PCDHA1: variants seen among roughly 807,000 people sequenced by gnomAD.
The protein encoded by PCDHA1 is protocadherin alpha 1, also known as protocadherin alpha-1.
Under a neutral mutation model 61.3 loss-of-function variants are expected in PCDHA1, and 42 were observed. That is an observed-to-expected ratio of 0.69 (90% CI 0.54 to 0.89). The LOEUF (loss-of-function observed/expected upper bound fraction) is 0.89. Among genes scored for constraint, PCDHA1 ranks in the 40% least tolerant of loss-of-function variants. The pLI, the probability that PCDHA1 is intolerant of heterozygous loss-of-function variation, is 0.00. For missense variants in PCDHA1, 1,256 were observed against 1,235.3 expected, an observed-to-expected ratio of 1.02 and a Z score of -0.25; for synonymous variants, 610 against 553.8, an observed-to-expected ratio of 1.10 and a Z score of -1.43.
In PCDHA1 at chr5:140,840,930, C is replaced by T. The variant is rs2150310156; in HGVS notation, c.2394+52246C>T. Among the ~76,000 whole-genome samples the T allele has an allele frequency of 2.0e-5, 3 of 151,804 alleles. No homozygotes were observed. The South Asian group carries it at 6.2e-4, about 32-fold the overall frequency. On this transcript the variant is annotated intron_variant, in intron 1 of 3. Transcript: ENST00000504120. ...TACTTAAATTTATTATTAATTGATACGATATTTGAAATATTGGGAAGAAAT... is the reference window on the plus strand; with the variant it reads ...TACTTAAATTTATTATTAATTGATATGATATTTGAAATATTGGGAAGAAAT...
At chr5:140,830,820 G>C (rs1771259303) in intron 1 of PCDHA1, 2 of 156,158 alleles carry the variant, frequency 1.3e-5, no homozygotes, top group African/African-American at 4.8e-5. Flanking sequence ...GTTTGCCTTT[G>C]AGCTTTAGGA....
At chr5:140,884,538 G>A (rs781889228) in intron 1 of PCDHA1, 21 of 1,613,994 alleles carry the variant, frequency 1.3e-5, no homozygotes, top group Non-Finnish European at 1.8e-5. Context: ...AGGCGGCCGA[G>A]GGTGTGCTCT....
At chr5:140,935,310 C>T (rs569890065) in intron 1 of PCDHA1, among the ~76,000 whole-genome samples, 2 of 152,200 alleles carry the variant, frequency 1.3e-5, no homozygotes, top group Non-Finnish European at 2.9e-5. Flanking sequence ...TACTTAACTT[C>T]ATCAATCTTA....
chr5:140,851,536 A>C (rs1051991921), intron 1 of PCDHA1: 1 of 906,438 alleles, frequency 1.1e-6, no homozygotes, highest in African/African-American at 1.8e-5. Context: ...GACAATGTAG[A>C]TAATTCAAGA....
chr5:140,823,199 C>A lies in PCDHA1; in HGVS notation c.2394+34515C>A, dbSNP rs143689350. The A allele has an allele frequency of 1.6e-4, 266 of 1,613,866 alleles. No homozygotes were observed. In the African/African-American group the frequency reaches 3.4e-3, roughly 21 times the overall value. ...AACCCGCCAGGCTGCCACATCTTCA[C>A]GGTGTCTGCACGGGACGCGGACGCG... is the stretch of plus-strand genomic sequence containing the variant. On this transcript the variant is annotated intron_variant, in intron 1 of 3. Coordinates refer to ENST00000504120, the MANE Select transcript of PCDHA1 (RefSeq NM_018900.4).
chr5:140,810,151 T>C (rs1764605349), intron 1 of PCDHA1: 1 of 152,430 alleles, frequency 6.6e-6, no homozygotes, highest in Non-Finnish European at 1.5e-5. Context: ...GTTTATGAAA[T>C]TATCCATGTT....
chr5:140,794,516 G>T (rs1269326452), intron 1 of PCDHA1, among the ~76,000 whole-genome samples: 5 of 152,086 alleles, frequency 3.3e-5, no homozygotes, highest in Non-Finnish European at 5.9e-5. Flanking sequence ...TTGTCTAATG[G>T]GTATAGAGTT....
intron 1 of PCDHA1, chr5:140,969,549 C>A: frequency 1.6e-6 from 2 of 1,238,176 alleles, no homozygotes; most frequent in South Asian, 3.3e-5. Context: ...AGGCATGAAG[C>A]CTTGTCCATA....
At chr5:140,943,608 T>C (rs1585137347) in intron 1 of PCDHA1, among the ~76,000 whole-genome samples, 1 of 152,184 alleles carries the variant, frequency 6.6e-6, no homozygotes, top group Non-Finnish European at 1.5e-5. Flanking sequence ...ATATAGACTT[T>C]GATTCATCTG....
intron 1 of PCDHA1, chr5:140,807,717 A>G (rs781885240): frequency 6.2e-7 from 1 of 1,614,026 alleles, no homozygotes; most frequent in African/African-American, 1.3e-5. Context: ...CCAAATGAAT[A>G]CTTTTCTCTG....
intron 1 of PCDHA1, among the ~76,000 whole-genome samples, chr5:140,914,601 T>G (rs190275610): frequency 1.8e-4 from 27 of 152,294 alleles, no homozygotes; most frequent in Non-Finnish European, 3.7e-4. Context: ...AGGAACTTCC[T>G]CCTGCCATTT....
rs2150124937 is a variant in PCDHA1, at chr5:140,823,353, A to G, written c.2394+34669A>G. The G allele has an allele frequency of 2.0e-5, 32 of 1,612,244 alleles. No individual in the cohort carries two copies. The African/African-American group carries it at 2.8e-4, about 14-fold the overall frequency. On this transcript the variant is annotated intron_variant, in intron 1 of 3. Coordinates refer to ENST00000504120, the MANE Select transcript of PCDHA1 (RefSeq NM_018900.4). ...CGCTGCAGCCGCTGGACCACGAGGAAGTGGAGCTGCTGCAGTTCCAGGTGA... is the reference window on the plus strand; with the variant it reads ...CGCTGCAGCCGCTGGACCACGAGGAGGTGGAGCTGCTGCAGTTCCAGGTGA...
At chr5:140,828,459 T>C (rs1220650558) in intron 1 of PCDHA1, 1 of 1,613,846 alleles carries the variant, frequency 6.2e-7, no homozygotes, top group Non-Finnish European at 8.5e-7. Context: ...GACGTGGAGG[T>C]GAGGGACATT....
chr5:140,871,326 C>T (rs2052980774), intron 1 of PCDHA1: 1 of 1,613,978 alleles, frequency 6.2e-7, no homozygotes, highest in African/African-American at 1.3e-5. Context: ...TGGTGTGCTC[C>T]CGCGCGGTGG....
intron 3 of PCDHA1, chr5:140,988,926 A>C (rs562175503): frequency 6.6e-6 from 1 of 152,238 alleles, no homozygotes; most frequent in Non-Finnish European, 1.5e-5. Flanking sequence ...ATAGAACAAC[A>C]CTGTTCTCTT....
chr5:140,927,918 CCTGA>C, intron 1 of PCDHA1: 1 of 1,614,220 alleles, frequency 6.2e-7, no homozygotes, highest in Non-Finnish European at 8.5e-7. Context: ...AACTGGACTT[CCTGA>C]CTCTTTCGAA....
At chr5:140,967,872 A>C (rs2096192784) in intron 1 of PCDHA1, 2 of 1,614,034 alleles carry the variant, frequency 1.2e-6, no homozygotes, top group Non-Finnish European at 1.7e-6. Context: ...GTGCTCACGG[A>C]CCTGTATAGC....
In PCDHA1 at chr5:140,849,498, A is replaced by T. The variant is rs1347480492; in HGVS notation, c.2394+60814A>T. On this transcript the variant is annotated intron_variant, in intron 1 of 3. Transcript: ENST00000504120. Reference sequence around the variant, plus strand: ...CTTCCCACCCCTGGCTGGTCATTGTACACTTCTTGTGGAAGTTGTGGATGT... The same window carrying T: ...CTTCCCACCCCTGGCTGGTCATTGTTCACTTCTTGTGGAAGTTGTGGATGT... 6.9e-6 allele frequency: 11 copies of T among 1,593,514 alleles called. 1 individual carries two copies. The highest frequency in any genetic ancestry group is 9.4e-6 in the Non-Finnish European group (11 of 1,165,148).
intron 1 of PCDHA1, chr5:140,928,897 G>C: frequency 6.2e-7 from 1 of 1,614,186 alleles, no homozygotes. Flanking sequence ...AGACTTTGAA[G>C]ATGTCTGGGA....
Sources: gnomAD v4.1 joint callset for allele counts (sites outside exome capture counted in the v4.1 genomes callset) on GRCh38, gnomAD v4.1.1 for gene constraint, MANE v1.5 for transcripts, NCBI Gene and HGNC (gene_info 2026-07-23, HGNC 2026-07-21) for gene names.